The following MYRIP variants were observed in gnomAD, a reference collection of about 807,000 sequenced individuals.
MYRIP encodes the protein myosin VIIA and Rab interacting protein, also known as rab effector MyRIP.
A neutral mutation model predicts 98.0 loss-of-function variants in MYRIP; 49 were observed. That is an observed-to-expected ratio of 0.50 (90% CI 0.40 to 0.63). MYRIP has a LOEUF of 0.63. MYRIP is among the 30% of genes least tolerant of loss of function. The pLI is 0.00. For missense variants in MYRIP, 1,004 were observed against 1,058.2 expected (o/e 0.95, Z 0.71); for synonymous variants, 404 against 409.5 (o/e 0.99, Z 0.16).
In MYRIP at chr3:40,162,772, T is replaced by C. The variant is rs767645534; in HGVS notation, c.512T>C (p.Ile171Thr). ...FESNLENEGS[I>T]SGSDSTFYRQ... Reference sequence around the variant, plus strand: ...TCAAACCTGGAGAATGAAGGAAGCATTTCTGGCAGTGATTCAACATTTTAT... The same window carrying C: ...TCAAACCTGGAGAATGAAGGAAGCACTTCTGGCAGTGATTCAACATTTTAT... The change falls in exon 5 of 17, where the codon ATT (isoleucine) becomes ACT (threonine). Residue 171 changes from isoleucine (I) to threonine (T), a missense_variant. Physicochemically the swap from Ile to Thr is moderately conservative, Grantham distance 89. Coordinates refer to ENST00000302541, the MANE Select transcript of MYRIP (RefSeq NM_015460.4). 2 of 1,613,960 alleles carry C rather than the reference T, an allele frequency of 1.2e-6. No homozygotes were observed. Among genetic ancestry groups the C allele is most frequent in the South Asian group, 1.1e-5 (1 of 91,070 alleles).
At chr3:39,899,538 C>T (rs1387546969) in intron 1 of MYRIP, among the ~76,000 whole-genome samples, 2 of 152,032 alleles carry the variant, frequency 1.3e-5, no homozygotes, top group Non-Finnish European at 2.9e-5. Flanking sequence ...TATGATACAA[C>T]CCAATTGATG....
At chr3:40,253,758 G>A (rs1368191161) in intron 16 of MYRIP, among the ~76,000 whole-genome samples, 1 of 152,194 alleles carries the variant, frequency 6.6e-6, no homozygotes, top group Non-Finnish European at 1.5e-5. Context: ...CCGCTATTAA[G>A]GGTTCGTTTA....
chr3:39,974,428 A>G (rs986395706), intron 2 of MYRIP, among the ~76,000 whole-genome samples: 9 of 152,244 alleles, frequency 5.9e-5, no homozygotes, highest in African/African-American at 1.9e-4. Flanking sequence ...CAACCAAAAA[A>G]AGTCCAGGAC....
intron 1 of MYRIP, among the ~76,000 whole-genome samples, chr3:39,897,680 C>T (rs1469088743): frequency 1.3e-5 from 2 of 152,094 alleles, no homozygotes; most frequent in Admixed American, 1.3e-4. Context: ...CTCTAGGATG[C>T]TATTTCATTT....
At chr3:40,027,729 A>C (rs1383497366) in intron 2 of MYRIP, among the ~76,000 whole-genome samples, 1 of 152,102 alleles carries the variant, frequency 6.6e-6, no homozygotes, top group African/African-American at 2.4e-5. Context: ...TTTTTTAAAA[A>C]AAATCCTTAG....
intron 2 of MYRIP, among the ~76,000 whole-genome samples, chr3:39,912,904 G>A (rs995669136): frequency 1.3e-5 from 2 of 152,162 alleles, no homozygotes; most frequent in East Asian, 3.9e-4. Flanking sequence ...ACTAGGTGTG[G>A]TGGCATGCAC....
At chr3:39,938,093 A>C (rs1333287375) in intron 2 of MYRIP, among the ~76,000 whole-genome samples, 1 of 152,174 alleles carries the variant, frequency 6.6e-6, no homozygotes, top group African/African-American at 2.4e-5. Flanking sequence ...TGTAACCAGC[A>C]CACAGATCAA....
chr3:40,027,724 T>TA (rs989630332), intron 2 of MYRIP, among the ~76,000 whole-genome samples: 13 of 151,918 alleles, frequency 8.6e-5, no homozygotes, highest in East Asian at 5.8e-4. Context: ...TGTCTTTTTT[T>TA]AAAAAAAATC....
intron 2 of MYRIP, chr3:39,970,201 C>T (rs1945546684): frequency 6.6e-6 from 1 of 152,052 alleles, no homozygotes; most frequent in Non-Finnish European, 1.5e-5. Flanking sequence ...AAACTTTTCC[C>T]AGTACCCTGC....
At position 40,204,237 on chromosome 3, in the gene MYRIP, T is replaced by G. The variant is rs796622047; in HGVS notation, c.1666-5617T>G. On this transcript the variant is annotated intron_variant, in intron 10 of 16. Coordinates refer to ENST00000302541, the MANE Select transcript of MYRIP (RefSeq NM_015460.4). ...ATATTATATATAAATATATATATAT[T>G]TTTTTTTTTTGAGACAGAGTCTCAC... Among the ~76,000 whole-genome samples, 4 of 63,580 alleles carry G rather than the reference T, an allele frequency of 6.3e-5. 1 individual carries two copies. The highest frequency in any genetic ancestry group is 3.4e-4 in the African/African-American group (4 of 11,658). The allele number at this position is 63,580 out of a possible 152,430, so 41.7% of individuals were successfully genotyped here. A position where few individuals can be genotyped will look rare whatever the true frequency, so the allele number is the denominator to read the frequency against.
At chr3:39,996,889 C>T (rs1448528439) in intron 2 of MYRIP, among the ~76,000 whole-genome samples, 1 of 152,194 alleles carries the variant, frequency 6.6e-6, no homozygotes, top group Non-Finnish European at 1.5e-5. Flanking sequence ...TCACTCAAAA[C>T]TGCTCAACTA....
intron 2 of MYRIP, among the ~76,000 whole-genome samples, chr3:39,917,942 G>A (rs1427489416): frequency 3.6e-5 from 5 of 140,550 alleles, no homozygotes. Context: ...TTTTTTTTTG[G>A]AGACGGAGTC....
At chr3:40,184,161 T>C (rs949228336) in intron 9 of MYRIP, among the ~76,000 whole-genome samples, 1 of 152,208 alleles carries the variant, frequency 6.6e-6, no homozygotes, top group Non-Finnish European at 1.5e-5. Context: ...TCTATTCATA[T>C]TCATTCATTC....
In MYRIP at chr3:40,210,060, CAACAGCCAGAG is replaced by C; in HGVS notation, c.1873_1883del (p.Asn625CysfsTer47). On this transcript the variant is annotated frameshift_variant, in exon 11 of 17. Transcript: ENST00000302541. LOFTEE classifies it high-confidence loss of function. ...AGAAGGAAAGTCTGTCCTCTGAAGA[CAACAGCCAGAG>C]TGTCCAGGAAGAGCTGAAGAAGGTA... 6.2e-7 allele frequency: 1 copy of C among 1,614,002 alleles called. No homozygotes were observed. The highest frequency in any genetic ancestry group is 8.5e-7 in the Non-Finnish European group (1 of 1,179,924).
At chr3:39,964,946 C>T (rs1945406295) in intron 2 of MYRIP, among the ~76,000 whole-genome samples, 2 of 151,958 alleles carry the variant, frequency 1.3e-5, no homozygotes, top group South Asian at 4.1e-4. Context: ...TGAAAGGAAA[C>T]TAGAAATCCA....
At chr3:40,143,854 A>G (rs1949959789) in intron 3 of MYRIP, among the ~76,000 whole-genome samples, 1 of 152,220 alleles carries the variant, frequency 6.6e-6, no homozygotes, top group African/African-American at 2.4e-5. Flanking sequence ...GTGGTTTTAC[A>G]GCTCATTCCC....
At chr3:39,907,515 C>T (rs1325200587) in intron 2 of MYRIP, among the ~76,000 whole-genome samples, 1 of 152,106 alleles carries the variant, frequency 6.6e-6, no homozygotes, top group Non-Finnish European at 1.5e-5. Flanking sequence ...TCCTTGGAGG[C>T]CTTGTGTGGA....
chr3:40,012,617 C>T (rs139963831), intron 2 of MYRIP, among the ~76,000 whole-genome samples: 3 of 152,252 alleles, frequency 2.0e-5, no homozygotes, highest in Admixed American at 6.5e-5. Flanking sequence ...TCATTCTCCC[C>T]GCTTGTGGAT....
intron 2 of MYRIP, among the ~76,000 whole-genome samples, chr3:40,040,135 C>T (rs138731724): frequency 2.0e-5 from 3 of 152,234 alleles, no homozygotes; most frequent in African/African-American, 7.2e-5. Context: ...TTACAGATTC[C>T]AGTGATTTAG....
Sources: allele counts gnomAD v4.1 joint callset (sites outside exome capture counted in the v4.1 genomes callset), GRCh38; gene constraint gnomAD v4.1.1; transcripts MANE v1.5; gene names NCBI Gene and HGNC (gene_info 2026-07-23, HGNC 2026-07-21).